KCNIP4: variants seen among roughly 807,000 people sequenced by gnomAD.
The protein encoded by KCNIP4 is Kv channel-interacting protein 4.
Under a neutral mutation model 34.0 loss-of-function variants are expected in KCNIP4, and 12 were observed. The ratio of observed to expected loss-of-function variants is 0.35; its 90% CI spans 0.23 to 0.57. KCNIP4 has a LOEUF of 0.57. Among genes scored for constraint, KCNIP4 ranks in the 20% least tolerant of loss-of-function variants. The pLI is 0.83. For missense variants in KCNIP4, 238 were observed against 311.7 expected, an observed-to-expected ratio of 0.76 and a Z score of 1.78; for synonymous variants, 124 against 102.2, an observed-to-expected ratio of 1.21 and a Z score of -1.29.
rs375892588 is a variant in KCNIP4 at position 21,284,108 on chromosome 4, G to A, written c.62-401399C>T. On this transcript the variant is annotated intron_variant, in intron 1 of 8. Coordinates refer to ENST00000382152, the MANE Select transcript of KCNIP4 (RefSeq NM_025221.6). Reference sequence around the variant, plus strand: ...GGCGCCTGTAGTCCCAGCTACTTGGGAGGCTGAGGCAGGAGAATGGTGTGA... The same window carrying A: ...GGCGCCTGTAGTCCCAGCTACTTGGAAGGCTGAGGCAGGAGAATGGTGTGA... Among the ~76,000 whole-genome samples the A allele has an allele frequency of 2.0e-4, 30 of 151,962 alleles. No individual in the cohort carries two copies. In the East Asian group the frequency reaches 5.3e-3, roughly 27 times the overall value.
intron 1 of KCNIP4, among the ~76,000 whole-genome samples, chr4:21,650,588 GA>G (rs1747410936): frequency 6.6e-6 from 1 of 152,072 alleles, no homozygotes; most frequent in South Asian, 2.1e-4. Context: ...CAGACATTTG[GA>G]ACAACCAAAG....
chr4:21,565,020 G>T (rs1739747982), intron 1 of KCNIP4, among the ~76,000 whole-genome samples: 1 of 152,118 alleles, frequency 6.6e-6, no homozygotes, highest in South Asian at 2.1e-4. Flanking sequence ...GTTTGGGTTG[G>T]GGGCTAATAT....
intron 1 of KCNIP4, among the ~76,000 whole-genome samples, chr4:21,787,983 G>A (rs200384025): frequency 3.3e-5 from 5 of 149,910 alleles, no homozygotes; most frequent in African/African-American, 4.9e-5. Flanking sequence ...TGAATAAAAA[G>A]AAAAAAAAAA....
At chr4:20,754,064 A>G (rs1033456735) in intron 4 of KCNIP4, among the ~76,000 whole-genome samples, 1 of 152,178 alleles carries the variant, frequency 6.6e-6, no homozygotes, top group Non-Finnish European at 1.5e-5. Flanking sequence ...AAGCTTACAC[A>G]CTAAAGCTTC....
intron 3 of KCNIP4, among the ~76,000 whole-genome samples, chr4:20,813,696 C>T (rs1030226515): frequency 3.3e-5 from 5 of 152,090 alleles, no homozygotes; most frequent in Admixed American, 6.5e-5. Flanking sequence ...AATATAAGTG[C>T]GACATATATA....
chr4:20,758,387 C>G (rs578196215), intron 4 of KCNIP4, among the ~76,000 whole-genome samples: 1 of 152,126 alleles, frequency 6.6e-6, no homozygotes, highest in Non-Finnish European at 1.5e-5. Flanking sequence ...GCCACTGAGT[C>G]AATATGTGGC....
At chr4:21,109,886 A>G (rs564302197) in intron 1 of KCNIP4, among the ~76,000 whole-genome samples, 1 of 152,088 alleles carries the variant, frequency 6.6e-6, no homozygotes, top group African/African-American at 2.4e-5. Flanking sequence ...TCTTTCCTAA[A>G]GTAAGAAAGA....
chr4:20,774,915 T>C (rs772532855), intron 3 of KCNIP4, among the ~76,000 whole-genome samples: 3 of 152,142 alleles, frequency 2.0e-5, no homozygotes, highest in Non-Finnish European at 4.4e-5. Flanking sequence ...CATATACCTG[T>C]TTTTCAGAGC....
At chr4:21,773,745 G>GTTTTGTTTTTT (rs1718971393) in intron 1 of KCNIP4, among the ~76,000 whole-genome samples, 4 of 115,412 alleles carry the variant, frequency 3.5e-5, no homozygotes, top group African/African-American at 2.2e-4. Flanking sequence ...TTTTTTTGTT[G>GTTTTGTTTTTT]TTTTTTTTTT....
intron 1 of KCNIP4, among the ~76,000 whole-genome samples, chr4:21,647,235 A>C (rs1020570329): frequency 6.6e-6 from 1 of 152,186 alleles, no homozygotes; most frequent in East Asian, 1.9e-4. Context: ...AATATAGTAC[A>C]TGCACATATA....
intron 1 of KCNIP4, among the ~76,000 whole-genome samples, chr4:21,697,025 G>A (rs1014439584): frequency 2.0e-5 from 3 of 151,472 alleles, no homozygotes; most frequent in African/African-American, 7.3e-5. Flanking sequence ...GCAGCAATCA[G>A]GAAAGAAGAG....
chr4:20,985,113 T>C (rs2149697388), intron 1 of KCNIP4, among the ~76,000 whole-genome samples: 1 of 152,330 alleles, frequency 6.6e-6, no homozygotes, highest in African/African-American at 2.4e-5. Flanking sequence ...ACAGGGACTC[T>C]GTAGGTGAAC....
chr4:21,420,189 G>A (rs775620316), intron 1 of KCNIP4, among the ~76,000 whole-genome samples: 6 of 152,142 alleles, frequency 3.9e-5, no homozygotes, highest in Non-Finnish European at 7.3e-5. Flanking sequence ...ACTAAGGAAT[G>A]CATTGCACTG....
intron 1 of KCNIP4, among the ~76,000 whole-genome samples, chr4:21,733,115 T>C (rs1715729024): frequency 2.0e-5 from 3 of 152,186 alleles, no homozygotes; most frequent in African/African-American, 7.2e-5. Flanking sequence ...CACTCATGGA[T>C]GATTTTATCT....
At chr4:21,018,194 ACT>A (rs1577543184) in intron 1 of KCNIP4, among the ~76,000 whole-genome samples, 1 of 150,718 alleles carries the variant, frequency 6.6e-6, no homozygotes, top group Non-Finnish European at 1.5e-5. Flanking sequence ...AACTCTCTAA[ACT>A]CTCTCTTTTC....
chr4:20,962,477 G>A (rs1470220854), intron 1 of KCNIP4, among the ~76,000 whole-genome samples: 1 of 152,142 alleles, frequency 6.6e-6, no homozygotes, highest in Non-Finnish European at 1.5e-5. Context: ...AACTGAGTAG[G>A]GGTAAAGGTG....
chr4:20,947,497 A>G (rs113075944), intron 1 of KCNIP4, among the ~76,000 whole-genome samples: 5 of 152,142 alleles, frequency 3.3e-5, no homozygotes, highest in African/African-American at 1.2e-4. Context: ...GCCCTCACCA[A>G]TCACTCGTTC....
At chr4:21,910,427 C>G (rs1728238426) in intron 1 of KCNIP4, among the ~76,000 whole-genome samples, 1 of 152,040 alleles carries the variant, frequency 6.6e-6, no homozygotes, top group Non-Finnish European at 1.5e-5. Flanking sequence ...CATCAGAAAA[C>G]AAAACCAAGC....
At chr4:21,534,878 G>A (rs1367208340) in intron 1 of KCNIP4, among the ~76,000 whole-genome samples, 2 of 152,216 alleles carry the variant, frequency 1.3e-5, no homozygotes, top group Non-Finnish European at 2.9e-5. Flanking sequence ...ATCACAGTCA[G>A]CTTCACATCG....
Sources: allele counts gnomAD v4.1 joint callset (sites outside exome capture counted in the v4.1 genomes callset), GRCh38; gene constraint gnomAD v4.1.1; transcripts MANE v1.5; gene names NCBI Gene and HGNC (gene_info 2026-07-23, HGNC 2026-07-21).